TNFRSF10C: variants seen among roughly 807,000 people sequenced by gnomAD.
The protein encoded by TNFRSF10C is tumor necrosis factor receptor superfamily member 10C.
Under a neutral mutation model 16.7 loss-of-function variants are expected in TNFRSF10C, and 17 were observed. The observed-to-expected ratio is 1.02, with a 90% CI of 0.70 to 1.53. The LOEUF (loss-of-function observed/expected upper bound fraction) is 1.53. Among genes scored for constraint, TNFRSF10C ranks in the 40% most tolerant of loss-of-function variants. The pLI, the probability that TNFRSF10C is intolerant of heterozygous loss-of-function variation, is 0.00. For synonymous variants in TNFRSF10C, 73 were observed against 119.7 expected, an observed-to-expected ratio of 0.61 and a Z score of 2.55; for missense variants, 237 against 329.7, an observed-to-expected ratio of 0.72 and a Z score of 2.18.
Position 23,117,083 on chromosome 8 carries a change from C to G in TNFRSF10C, c.*52C>G. The G allele has an allele frequency of 6.3e-7, 1 of 1,589,662 alleles. No homozygotes were observed. The highest frequency in any genetic ancestry group is 8.6e-7 in the Non-Finnish European group (1 of 1,169,050). ...TCCTTACCTGAAAGGTTCAGGTAGG[C>G]GCTGGCTGAGGGCGGGGGGCGCTGG... On this transcript the variant is annotated 3_prime_UTR_variant, in exon 5 of 5. Transcript: ENST00000356864.
intron 1 of TNFRSF10C, 53 bp downstream of exon 1, chr8:23,103,234 G>C (rs1181884926): frequency 2.5e-6 from 4 of 1,586,396 alleles, no homozygotes. Flanking sequence ...GGCGCCGGGA[G>C]GGGGCAGGGA....
intron 1 of TNFRSF10C, among the ~76,000 whole-genome samples, chr8:23,110,872 T>C (rs11786012): frequency 0.11 from 16,403 of 152,228 alleles, 1,126 homozygotes; most frequent in East Asian, 0.32. Flanking sequence ...ATTAAACACT[T>C]GGTGAAACTA....
chr8:23,104,435 G>A lies in TNFRSF10C; in HGVS notation c.60+1254G>A, dbSNP rs552167044. On this transcript the variant is annotated intron_variant, in intron 1 of 4. Transcript: ENST00000356864. The stretch of plus-strand genomic sequence containing the variant: ...TTTAATTCACTGTTGCCGCCTAGGG[G>A]CAGCTGGTTAGATCCCATCCTGACG... Among the ~76,000 whole-genome samples, 4 of 152,338 alleles carry A rather than the reference G, an allele frequency of 2.6e-5. No homozygotes were observed. In the South Asian group the frequency reaches 8.3e-4, roughly 32 times the overall value.
At chr8:23,115,461 G>T (rs995009032) in intron 3 of TNFRSF10C, 47 bp from the exon 4 acceptor site, 2 of 1,528,686 alleles carry the variant, frequency 1.3e-6, no homozygotes, top group South Asian at 1.1e-5. Context: ...AAGATCGAGG[G>T]ATACATCAGG....
chr8:23,109,948 G>C (rs1387379082), intron 1 of TNFRSF10C, among the ~76,000 whole-genome samples: 1 of 151,606 alleles, frequency 6.6e-6, no homozygotes, highest in Non-Finnish European at 1.5e-5. Flanking sequence ...CCTGTCTTTG[G>C]GGACTGAGGT....
chr8:23,116,619 C>G, intron 4 of TNFRSF10C, 22 bp from the exon 5 acceptor site: 1 of 1,605,088 alleles, frequency 6.2e-7, no homozygotes, highest in Non-Finnish European at 8.5e-7. Flanking sequence ...GAGTCCTCAC[C>G]TCCCTCTCTG....
Position 23,117,216 on chromosome 8 carries a change from G to T in TNFRSF10C, c.*185G>T. 1 of 908,912 alleles carries T rather than the reference G, an allele frequency of 1.1e-6. No homozygotes were observed. The highest frequency in any genetic ancestry group is 1.6e-6 in the Non-Finnish European group (1 of 613,756). 56.3% of individuals were successfully genotyped at this position (908,912 alleles called of 1,614,324 possible). ...TGGCTCTATCTTCCTCCTTGTGATC[G>T]TCCCATCCCCACATCCCGTGCACCC... On this transcript the variant is annotated 3_prime_UTR_variant, in exon 5 of 5. Coordinates refer to ENST00000356864, the MANE Select transcript of TNFRSF10C (RefSeq NM_003841.5).
chr8:23,104,966 G>A (rs576793487), intron 1 of TNFRSF10C, among the ~76,000 whole-genome samples: 3 of 152,148 alleles, frequency 2.0e-5, no homozygotes, highest in Non-Finnish European at 2.9e-5. Context: ...AGCCTGTCAG[G>A]GTGACTTCAG....
At chr8:23,103,951 A>C (rs570429459) in intron 1 of TNFRSF10C, among the ~76,000 whole-genome samples, 3 of 152,248 alleles carry the variant, frequency 2.0e-5, no homozygotes, top group Non-Finnish European at 2.9e-5. Flanking sequence ...AAAAAGAAAA[A>C]AGAAAAAGAA....
intron 1 of TNFRSF10C, among the ~76,000 whole-genome samples, chr8:23,107,149 C>A (rs1813793932): frequency 6.6e-6 from 1 of 152,066 alleles, no homozygotes; most frequent in African/African-American, 2.4e-5. Context: ...TCAAGACCAG[C>A]CAGGGCAACA....
intron 1 of TNFRSF10C, 165 bp downstream of exon 1, chr8:23,103,346 G>C (rs1370463226): frequency 7.6e-7 from 1 of 1,308,150 alleles, no homozygotes; most frequent in African/African-American, 1.5e-5. Flanking sequence ...CTGGGTCCCC[G>C]GGCTGGGCAG....
intron 1 of TNFRSF10C, among the ~76,000 whole-genome samples, chr8:23,104,384 T>C (rs758452535): frequency 6.6e-6 from 1 of 152,264 alleles, no homozygotes; most frequent in Non-Finnish European, 1.5e-5. Context: ...AAGGGTATTG[T>C]ATTTTACTGC....
At chr8:23,115,183 C>G (rs114139410) in intron 3 of TNFRSF10C, among the ~76,000 whole-genome samples, 46,678 of 151,650 alleles carry the variant, frequency 0.31, 8,539 homozygotes, top group Middle Eastern at 0.45. Context: ...TTGGGGAAGT[C>G]CCCCAAGGCC....
chr8:23,117,238 A>AC lies in TNFRSF10C; in HGVS notation c.*213dup, dbSNP rs987858967. 5.5e-6 allele frequency: 4 copies of AC among 729,268 alleles called. No individual in the cohort carries two copies. The highest frequency in any genetic ancestry group is 1.8e-5 in the African/African-American group (1 of 55,654). 45.2% of individuals were successfully genotyped at this position (729,268 alleles called of 1,614,324 possible). On this transcript the variant is annotated 3_prime_UTR_variant, in exon 5 of 5. Transcript: ENST00000356864. ...ATCGTCCCATCCCCACATCCCGTGCACCCCCCAGGACCCTGGTCTCATCAG... is the reference window on the plus strand; with the variant it reads ...ATCGTCCCATCCCCACATCCCGTGCACCCCCCCAGGACCCTGGTCTCATCAG...
Position 23,115,610 on chromosome 8 carries a change from G to A in TNFRSF10C, c.383G>A (p.Cys128Tyr), listed in dbSNP as rs1019862692. 3 of 1,613,374 alleles carry A rather than the reference G, an allele frequency of 1.9e-6. No individual in the cohort carries two copies. Among genetic ancestry groups the A allele is most frequent in the East Asian group, 2.2e-5 (1 of 44,878 alleles). Residue 128 changes from cysteine to tyrosine, a missense_variant, in exon 4 of 5, where the codon TGT (cysteine) becomes TAT (tyrosine). This residue lies in a region of TNFRSF10C where 212 missense variants were observed against 196.8 expected (regional missense o/e 1.08). Transcript: ENST00000356864. ...NENSPEMCRKCSRCPSGEVQV... is the reference protein window; with the variant it reads ...NENSPEMCRKYSRCPSGEVQV... ...AACTCCCCAGAGATGTGCCGGAAGTGTAGCAGGTGAGACAGCAGTCAGGGG... is the reference window on the plus strand; with the variant it reads ...AACTCCCCAGAGATGTGCCGGAAGTATAGCAGGTGAGACAGCAGTCAGGGG...
intron 1 of TNFRSF10C, among the ~76,000 whole-genome samples, chr8:23,108,601 A>G (rs1308138157): frequency 6.6e-6 from 1 of 152,238 alleles, no homozygotes; most frequent in Non-Finnish European, 1.5e-5. Context: ...TTAATTCTTC[A>G]AGGAGTATAA....
At position 23,103,937 on chromosome 8, in the gene TNFRSF10C, C is replaced by CAA. The variant is rs150257399; in HGVS notation, c.60+763_60+764dup. Among the ~76,000 whole-genome samples, 723 of 150,610 alleles carry CAA rather than the reference C, an allele frequency of 4.8e-3. 7 individuals carry two copies. The highest frequency in any genetic ancestry group is 0.017 in the African/African-American group (688 of 41,080). On this transcript the variant is annotated intron_variant, in intron 1 of 4. Coordinates refer to ENST00000356864, the MANE Select transcript of TNFRSF10C (RefSeq NM_003841.5). ...CCTTTTTAAGATTCTTTATGTAATA[C>CAA]AAAAAAAAGAAAAAAGAAAAAGAAA...
At chr8:23,114,560 C>A in intron 2 of TNFRSF10C, 97 bp from the exon 3 acceptor site, 1 of 941,292 alleles carries the variant, frequency 1.1e-6, no homozygotes, top group Non-Finnish European at 1.7e-6. Flanking sequence ...TTCTCTGTCT[C>A]AATTCCAGTG....
At chr8:23,110,069 CAAAAAAAA>C (rs56263402) in intron 1 of TNFRSF10C, among the ~76,000 whole-genome samples, 54 of 39,656 alleles carry the variant, frequency 1.4e-3, no homozygotes, top group African/African-American at 4.3e-3. Flanking sequence ...ACCCTGTCTC[CAAAAAAAA>C]AAAAAAAAAA....
Sources: gnomAD v4.1 joint callset for allele counts (sites outside exome capture counted in the v4.1 genomes callset) on GRCh38, gnomAD v4.1.1 for gene constraint, gnomAD v4.1.1 regional missense constraint, MANE v1.5 for transcripts, NCBI Gene and HGNC (gene_info 2026-07-23, HGNC 2026-07-21) for gene names.